ASTN2: variants seen among roughly 807,000 people sequenced by gnomAD.
ASTN2 encodes astrotactin-2.
In ASTN2, 54 loss-of-function variants were observed where a neutral mutation model predicts 139.8. The observed-to-expected ratio is 0.39, with a 90% CI of 0.31 to 0.48. ASTN2 has a LOEUF of 0.48. Ranked by LOEUF, ASTN2 falls within the 20% of genes least tolerant of loss-of-function variation. The pLI is 0.95. For synonymous variants in ASTN2, 756 were observed against 719.5 expected (o/e 1.05, Z -0.81); for missense variants, 1,565 against 1,725.1 (o/e 0.91, Z 1.64).
intron 2 of ASTN2, among the ~76,000 whole-genome samples, chr9:117,289,124 G>C (rs1046545384): frequency 1.6e-4 from 25 of 152,200 alleles, no homozygotes; most frequent in Non-Finnish European, 2.9e-4. Context: ...CCTCTCAGAG[G>C]AAGAACACCC....
intron 1 of ASTN2, among the ~76,000 whole-genome samples, chr9:117,411,499 T>C (rs1186757897): frequency 3.6e-5 from 3 of 83,110 alleles, no homozygotes; most frequent in South Asian, 8.2e-4. Flanking sequence ...GCATTACCAA[T>C]AACAGAAACA....
At chr9:116,593,747 T>C (rs541728213) in intron 19 of ASTN2, among the ~76,000 whole-genome samples, 100 of 152,344 alleles carry the variant, frequency 6.6e-4, no homozygotes, top group African/African-American at 2.4e-3. Context: ...GTCTTGCTCA[T>C]TCTATACTTC....
chr9:116,685,425 T>C lies in ASTN2; in HGVS notation c.2807-33632A>G, dbSNP rs1370154314. The stretch of plus-strand genomic sequence containing the variant: ...GACTCTGCGTGAATTACTCTTTAAC[T>C]ATTGCAATTCCCCTGTCTTGATGAA... On this transcript the variant is annotated intron_variant, in intron 16 of 22. Coordinates refer to ENST00000313400, the MANE Select transcript of ASTN2 (RefSeq NM_001365068.1). Among the ~76,000 whole-genome samples, 4 of 152,170 alleles carry C rather than the reference T, an allele frequency of 2.6e-5. No individual in the cohort carries two copies. In the East Asian group the frequency reaches 7.7e-4, roughly 29 times the overall value.
At chr9:116,568,448 G>A (rs1236301673) in intron 19 of ASTN2, 1 of 152,072 alleles carries the variant, frequency 6.6e-6, no homozygotes, top group Admixed American at 6.6e-5. Flanking sequence ...GAGAACAAAG[G>A]CAGCCATTAA....
At chr9:116,799,127 A>G (rs1207348815) in intron 13 of ASTN2, among the ~76,000 whole-genome samples, 1 of 151,960 alleles carries the variant, frequency 6.6e-6, no homozygotes, top group African/African-American at 2.4e-5. Context: ...AGGTTTCAGA[A>G]GCAGCATGTT....
At chr9:117,380,154 C>T (rs1291444133) in intron 1 of ASTN2, among the ~76,000 whole-genome samples, 1 of 152,164 alleles carries the variant, frequency 6.6e-6, no homozygotes, top group African/African-American at 2.4e-5. Flanking sequence ...AGGCAAGGCA[C>T]CGTGCTGGAA....
At chr9:117,142,535 C>A (rs1233545090) in intron 3 of ASTN2, among the ~76,000 whole-genome samples, 1 of 152,190 alleles carries the variant, frequency 6.6e-6, no homozygotes, top group Non-Finnish European at 1.5e-5. Context: ...AGAGTCAAGC[C>A]TTCTAACACC....
chr9:117,079,763 G>A (rs958600986), intron 5 of ASTN2, among the ~76,000 whole-genome samples: 4 of 152,240 alleles, frequency 2.6e-5, no homozygotes, highest in African/African-American at 7.2e-5. Flanking sequence ...AAGATTTCAG[G>A]TCAATCTAAT....
At chr9:116,936,626 T>A (rs894920358) in intron 10 of ASTN2, among the ~76,000 whole-genome samples, 8 of 152,172 alleles carry the variant, frequency 5.3e-5, no homozygotes, top group Admixed American at 3.9e-4. Context: ...ATAACTAACA[T>A]TTTCCAGAGA....
intron 10 of ASTN2, among the ~76,000 whole-genome samples, chr9:116,904,694 T>C (rs1054828569): frequency 2.6e-5 from 4 of 152,230 alleles, no homozygotes; most frequent in Non-Finnish European, 1.5e-5. Context: ...TTATTATTAA[T>C]CCACCTGTTG....
chr9:116,632,130 GAGAGAGAGAGAGAGAGAGAGAGAGAGAC>G (rs1392663174), intron 17 of ASTN2, among the ~76,000 whole-genome samples: 15 of 10,498 alleles, frequency 1.4e-3, no homozygotes, highest in African/African-American at 4.3e-3. Context: ...AGAAAAAGAA[GAGAGAGAGAGAGAGAGAGAGAGAGAGAC>G]AGAGAGAGAG....
At chr9:116,995,774 G>A (rs956670183) in intron 7 of ASTN2, among the ~76,000 whole-genome samples, 7 of 152,090 alleles carry the variant, frequency 4.6e-5, no homozygotes, top group Non-Finnish European at 8.8e-5. Context: ...AAAATGAGAC[G>A]ATAACACTAT....
In ASTN2 at chr9:116,707,285, CAAAAAA is replaced by C. The variant is rs766053427; in HGVS notation, c.2806+18480_2806+18485del. Among the ~76,000 whole-genome samples the C allele has an allele frequency of 1.8e-4, 11 of 60,628 alleles. 1 individual carries two copies. Among genetic ancestry groups the C allele is most frequent in the Admixed American group, 1.2e-3 (5 of 4,346 alleles). 39.8% of individuals were successfully genotyped at this position (60,628 alleles called of 152,430 possible). ...GCCCTATGCCACTATGCCCCCTGAC[CAAAAAA>C]AAAAAAAAAAAAAAAAAAAAATTCC... is the stretch of plus-strand genomic sequence containing the variant. On this transcript the variant is annotated intron_variant, in intron 16 of 22. Transcript: ENST00000313400.
At chr9:116,625,100 AGTG>A (rs1248112948) in intron 17 of ASTN2, among the ~76,000 whole-genome samples, 2 of 152,154 alleles carry the variant, frequency 1.3e-5, no homozygotes, top group Non-Finnish European at 2.9e-5. Context: ...CTAGCCAAAA[AGTG>A]GTGGTCAACC....
chr9:116,932,223 T>C (rs1017596604), intron 10 of ASTN2, among the ~76,000 whole-genome samples: 8 of 152,150 alleles, frequency 5.3e-5, no homozygotes, highest in African/African-American at 1.9e-4. Flanking sequence ...AGGTGGTGGA[T>C]GCACAATGAT....
chr9:117,351,874 C>A (rs1367538141), intron 1 of ASTN2, among the ~76,000 whole-genome samples: 1 of 152,170 alleles, frequency 6.6e-6, no homozygotes, highest in Non-Finnish European at 1.5e-5. Context: ...TCTAGTCCTG[C>A]ACACTGACAT....
intron 2 of ASTN2, among the ~76,000 whole-genome samples, chr9:117,244,235 T>C (rs1349160257): frequency 6.6e-6 from 1 of 152,124 alleles, no homozygotes; most frequent in East Asian, 1.9e-4. Context: ...AATTACCCTG[T>C]TTTGGGTACT....
At chr9:116,722,257 CA>C (rs5900226) in intron 16 of ASTN2, among the ~76,000 whole-genome samples, 69,453 of 151,258 alleles carry the variant, frequency 0.46, 16,133 homozygotes, top group Admixed American at 0.57. Flanking sequence ...GACGCACACA[CA>C]AAAAAAAATA....
intron 16 of ASTN2, among the ~76,000 whole-genome samples, chr9:116,669,115 C>G (rs962859709): frequency 2.0e-5 from 3 of 152,158 alleles, no homozygotes; most frequent in African/African-American, 7.2e-5. Context: ...ACATGTCCAC[C>G]AGTGTGCCAT....
Sources: allele counts gnomAD v4.1 joint callset (sites outside exome capture counted in the v4.1 genomes callset), GRCh38; gene constraint gnomAD v4.1.1; transcripts MANE v1.5; gene names NCBI Gene and HGNC (gene_info 2026-07-23, HGNC 2026-07-21).